The following SCFD2 variants were observed in gnomAD, a reference collection of about 807,000 sequenced individuals.
SCFD2 encodes sec1 family domain-containing protein 2.
SCFD2 carries 54 observed loss-of-function variants against 58.9 expected under a neutral mutation model. The observed-to-expected ratio is 0.92, with a 90% CI of 0.74 to 1.15. SCFD2 has a LOEUF of 1.15. Among genes scored for constraint, SCFD2 ranks in the 50% most tolerant of loss-of-function variants. The probability of loss-of-function intolerance (pLI) is 0.00; values close to 1 mark genes in which losing one functional copy is unlikely to be tolerated. For missense variants in SCFD2, 805 were observed against 836.6 expected, an observed-to-expected ratio of 0.96 and a Z score of 0.47; for synonymous variants, 321 against 335.9, an observed-to-expected ratio of 0.96 and a Z score of 0.49.
chr4:53,172,695 T>C (rs1237649212), intron 4 of SCFD2, among the ~76,000 whole-genome samples: 8 of 152,200 alleles, frequency 5.3e-5, no homozygotes, highest in Non-Finnish European at 1.0e-4. Context: ...ATCATCATAA[T>C]CAGAAAGATA....
At chr4:53,203,359 T>A (rs1225425000) in intron 4 of SCFD2, among the ~76,000 whole-genome samples, 2 of 152,046 alleles carry the variant, frequency 1.3e-5, no homozygotes, top group African/African-American at 4.8e-5. Context: ...ATAATCAGAT[T>A]TTTTTTAGCT....
chr4:53,151,040 C>A (rs1318774658), intron 4 of SCFD2, among the ~76,000 whole-genome samples: 1 of 152,158 alleles, frequency 6.6e-6, no homozygotes, highest in Non-Finnish European at 1.5e-5. Flanking sequence ...CCTGCTACCC[C>A]ACAGGCTCCT....
chr4:53,247,555 A>C (rs552091516), intron 4 of SCFD2, among the ~76,000 whole-genome samples: 5 of 152,350 alleles, frequency 3.3e-5, no homozygotes. Flanking sequence ...AATACTATGC[A>C]GCCATAAAAA....
At chr4:53,338,848 G>C (rs886710751) in intron 2 of SCFD2, among the ~76,000 whole-genome samples, 62 of 151,828 alleles carry the variant, frequency 4.1e-4, no homozygotes, top group Non-Finnish European at 6.2e-4. Context: ...CCAAAGTGCT[G>C]GGATTACAGG....
intron 5 of SCFD2, among the ~76,000 whole-genome samples, chr4:53,080,115 C>T (rs138495195): frequency 1.3e-3 from 198 of 152,202 alleles, no homozygotes; most frequent in African/African-American, 4.5e-3. Context: ...GTTCTAGCAA[C>T]GAAACATTAC....
chr4:53,339,849 G>A (rs1733808277), intron 2 of SCFD2, among the ~76,000 whole-genome samples: 1 of 151,930 alleles, frequency 6.6e-6, no homozygotes, highest in African/African-American at 2.4e-5. Flanking sequence ...AGAAAGACTG[G>A]ATAAAAGAAA....
chr4:53,182,742 G>A (rs1347959694), intron 4 of SCFD2, among the ~76,000 whole-genome samples: 1 of 151,838 alleles, frequency 6.6e-6, no homozygotes, highest in Non-Finnish European at 1.5e-5. Context: ...GAAAATTTTT[G>A]CAACCTACTC....
chr4:53,323,619 ATCC>A (rs1385343031), intron 2 of SCFD2, among the ~76,000 whole-genome samples: 15 of 146,714 alleles, frequency 1.0e-4, no homozygotes, highest in African/African-American at 3.3e-4. Flanking sequence ...GGCTCAAGCC[ATCC>A]TCCTACCTCA....
chr4:53,199,363 A>G (rs1468508620), intron 4 of SCFD2, among the ~76,000 whole-genome samples: 2 of 152,090 alleles, frequency 1.3e-5, no homozygotes, highest in Admixed American at 6.6e-5. Flanking sequence ...GGAGATGATT[A>G]CAAACAACAG....
At chr4:52,919,147 A>G (rs1660275919) in intron 6 of SCFD2, among the ~76,000 whole-genome samples, 1 of 152,216 alleles carries the variant, frequency 6.6e-6, no homozygotes, top group Non-Finnish European at 1.5e-5. Context: ...TGTCCTTATC[A>G]CGTGCAAGAT....
At chr4:52,890,363 C>T (rs946752905) in intron 7 of SCFD2, among the ~76,000 whole-genome samples, 1 of 152,154 alleles carries the variant, frequency 6.6e-6, no homozygotes, top group Non-Finnish European at 1.5e-5. Context: ...GGTTTTGGTA[C>T]AAATAAATGG....
intron 5 of SCFD2, among the ~76,000 whole-genome samples, chr4:52,922,111 G>C (rs1719749409): frequency 6.6e-6 from 1 of 152,140 alleles, no homozygotes; most frequent in African/African-American, 2.4e-5. Context: ...TCCAAATTCA[G>C]TATTCGCACC....
intron 4 of SCFD2, among the ~76,000 whole-genome samples, chr4:53,225,544 C>A (rs1392861478): frequency 2.6e-5 from 4 of 152,106 alleles, no homozygotes; most frequent in South Asian, 2.1e-4. Context: ...TTGCTTTTAT[C>A]AAGGTGAGTT....
intron 5 of SCFD2, among the ~76,000 whole-genome samples, 194 bp downstream of exon 5, chr4:53,145,139 C>A (rs938408129): frequency 6.6e-6 from 1 of 152,160 alleles, no homozygotes; most frequent in African/African-American, 2.4e-5. Flanking sequence ...CCATCCCTGT[C>A]CCCTGATGGC....
chr4:53,340,615 G>T (rs1255215958), intron 2 of SCFD2, among the ~76,000 whole-genome samples: 2 of 152,164 alleles, frequency 1.3e-5, no homozygotes, highest in Non-Finnish European at 2.9e-5. Context: ...GAGAGAAGTG[G>T]TTCTCCCAGC....
intron 4 of SCFD2, among the ~76,000 whole-genome samples, chr4:53,212,256 C>T (rs755876088): frequency 6.6e-6 from 1 of 151,964 alleles, no homozygotes; most frequent in Non-Finnish European, 1.5e-5. Context: ...GTTAACCATA[C>T]ATTATAGCTT....
chr4:53,252,509 A>G (rs1730425701), intron 4 of SCFD2, among the ~76,000 whole-genome samples: 2 of 150,436 alleles, frequency 1.3e-5, no homozygotes, highest in Non-Finnish European at 3.0e-5. Context: ...AGTAACCAAA[A>G]CAGCATGGTA....
chr4:53,343,989 A>C (rs1405242614), intron 2 of SCFD2, among the ~76,000 whole-genome samples: 3 of 152,208 alleles, frequency 2.0e-5, no homozygotes, highest in Non-Finnish European at 4.4e-5. Flanking sequence ...CACAGCCAAT[A>C]TCATACTGAA....
chr4:53,203,514 GA>G (rs1344283015), intron 4 of SCFD2, among the ~76,000 whole-genome samples: 1 of 150,590 alleles, frequency 6.6e-6, no homozygotes, highest in Non-Finnish European at 1.5e-5. Flanking sequence ...TACTTAAAAA[GA>G]AAAACAAAAA....
Sources: gnomAD v4.1 joint callset for allele counts (sites outside exome capture counted in the v4.1 genomes callset) on GRCh38, gnomAD v4.1.1 for gene constraint, MANE v1.5 for transcripts, NCBI Gene and HGNC (gene_info 2026-07-23, HGNC 2026-07-21) for gene names.